The following FAM131A variants were observed in gnomAD, a reference collection of about 807,000 sequenced individuals.
FAM131A encodes the protein family with sequence similarity 131 member A, also known as protein FAM131A.
Under a neutral mutation model 39.2 loss-of-function variants are expected in FAM131A, and 24 were observed. The observed-to-expected ratio is 0.61, with a 90% CI of 0.44 to 0.86. The LOEUF is 0.86. Ranked by LOEUF, FAM131A falls within the 40% of genes least tolerant of loss-of-function variation. FAM131A has a pLI of 0.00. For missense variants in FAM131A, 373 were observed against 481.2 expected, an observed-to-expected ratio of 0.78 and a Z score of 2.10; for synonymous variants, 202 against 206.8, an observed-to-expected ratio of 0.98 and a Z score of 0.20.
chr3:184,337,467 C>A (rs2108540166), upstream of FAM131A: 1 of 649,798 alleles, frequency 1.5e-6, no homozygotes, highest in Non-Finnish European at 2.7e-6. Flanking sequence ...GGTGTTCCCA[C>A]CTCCTCAGAG....
chr3:184,337,517 G>A (rs977374017), upstream of FAM131A: 2 of 896,536 alleles, frequency 2.2e-6, no homozygotes, highest in Non-Finnish European at 3.5e-6. Flanking sequence ...ACTAGGCACA[G>A]GTTCCAAATG....
chr3:184,344,893 C>T lies in FAM131A; in HGVS notation c.1024C>T (p.Gln342Ter). 6.2e-7 allele frequency: 1 copy of T among 1,608,724 alleles called. No individual in the cohort carries two copies. The change falls in exon 6 of 6, where the codon CAG (glutamine) becomes TAG (stop). Residue 342 changes from glutamine to a stop codon, truncating the protein, a stop_gained. Transcript: ENST00000383847. LOFTEE classifies it high-confidence loss of function. ...CPPLTGSWERQRQASDLASSG... is the reference protein window; with the variant it reads ...CPPLTGSWER ...ACCACTAACGGGCAGCTGGGAACGG[C>T]AGCGGCAAGCCTCTGACCTGGCCTC... is the stretch of plus-strand genomic sequence containing the variant.
Position 184,342,048 on chromosome 3 carries a change from A to C in FAM131A, c.326-18A>C, listed in dbSNP as rs1577288861. 6.2e-7 allele frequency: 1 copy of C among 1,612,464 alleles called. No individual in the cohort carries two copies. Among genetic ancestry groups the C allele is most frequent in the African/African-American group, 1.3e-5 (1 of 74,276 alleles). Reference sequence around the variant, plus strand: ...GCCTGGTCCTTTACCAGGCTTCTCCACCCTCCCCTATCTCCAGGTATTTCC... The same window carrying C: ...GCCTGGTCCTTTACCAGGCTTCTCCCCCCTCCCCTATCTCCAGGTATTTCC... On this transcript the variant is annotated intron_variant, in intron 3 of 5. Coordinates refer to ENST00000383847, the MANE Select transcript of FAM131A (RefSeq NM_144635.5). This position sits in a 1 kb window ranked among gnomAD's most constrained non-coding sequence, Gnocchi z 4.6.
chr3:184,345,570 C>T lies in FAM131A; in HGVS notation c.*600C>T. 1 of 703,286 alleles carries T rather than the reference C, an allele frequency of 1.4e-6. No homozygotes were observed. The highest frequency in any genetic ancestry group is 2.6e-6 in the Non-Finnish European group (1 of 385,046). The allele number at this position is 703,286 out of a possible 1,614,324, so 43.6% of individuals were successfully genotyped here. On this transcript the variant is annotated 3_prime_UTR_variant, in exon 6 of 6. Transcript: ENST00000383847. ...AAATCTTCCTCTTTTTTCCTAAAGA[C>T]AGAAGGTTTTTGGTCTGTTTTTTCA...
chr3:184,344,048 C>T (rs968782972), intron 5 of FAM131A, among the ~76,000 whole-genome samples: 8 of 152,138 alleles, frequency 5.3e-5, no homozygotes, highest in African/African-American at 1.4e-4. Flanking sequence ...TGCAATGGCA[C>T]GATCTCGGCT....
At chr3:184,337,565 A>C, upstream of FAM131A, 1 of 1,462,506 alleles carries the variant, frequency 6.8e-7, no homozygotes, top group South Asian at 1.2e-5. Flanking sequence ...CCAAAACAGG[A>C]ATAGAACTGG....
chr3:184,341,430 C>T, intron 2 of FAM131A: 1 of 492,294 alleles, frequency 2.0e-6, no homozygotes, highest in Non-Finnish European at 3.7e-6. Flanking sequence ...AGAGGTCTCA[C>T]TCGTGGTTCT....
chr3:184,342,883 G>C lies in FAM131A; in HGVS notation c.625+23G>C, dbSNP rs1468746112. 4 of 1,593,202 alleles carry C rather than the reference G, an allele frequency of 2.5e-6. No individual in the cohort carries two copies. In the East Asian group the frequency reaches 9.0e-5, roughly 36 times the overall value. Reference sequence around the variant, plus strand: ...CAGGTGAGGGACATCCTGGGCTAGGGCTGTGGTGGACCCACCTGATAGACC... The same window carrying C: ...CAGGTGAGGGACATCCTGGGCTAGGCCTGTGGTGGACCCACCTGATAGACC... On this transcript the variant is annotated intron_variant, in intron 5 of 5. Transcript: ENST00000383847. This position sits in a 1 kb window ranked among gnomAD's most constrained non-coding sequence, Gnocchi z 4.6.
At chr3:184,339,223 G>A (rs1727262913) in intron 2 of FAM131A, 1 of 152,326 alleles carries the variant, frequency 6.6e-6, no homozygotes, top group Non-Finnish European at 1.5e-5. Context: ...GCTCCCTCGG[G>A]AGACAGACAA....
In FAM131A at chr3:184,341,826, CCCCT is replaced by C. The variant is rs1282460753; in HGVS notation, c.325+13_325+16del. ...CAGGTCCTCCCTGCATGGTATGCAG[CCCCT>C]CCCATGTTTCTGGCCACTTTGTCCT... is the stretch of plus-strand genomic sequence containing the variant. On this transcript the variant is annotated intron_variant, in intron 3 of 5. Transcript: ENST00000383847. 2 of 1,613,516 alleles carry C rather than the reference CCCCT, an allele frequency of 1.2e-6. No homozygotes were observed. The highest frequency in any genetic ancestry group is 2.2e-5 in the South Asian group (2 of 91,076).
At position 184,344,681 on chromosome 3, in the gene FAM131A, T is replaced by A; in HGVS notation, c.812T>A (p.Leu271Gln). Residue 271 changes from leucine to glutamine, a missense_variant, in exon 6 of 6, where the codon CTG becomes CAG. Physicochemically the swap from Leu to Gln is moderately radical, Grantham distance 113 (BLOSUM62 -2). Transcript: ENST00000383847. ...EDGLLGSPAR[L>Q]ASQLLGDELL... ...GGGTTGTTGGGCTCCCCGGCCCGGC[T>A]GGCCTCCCAGCTGCTGGGCGATGAG... is the stretch of plus-strand genomic sequence containing the variant. The A allele has an allele frequency of 6.2e-7, 1 of 1,612,618 alleles. No homozygotes were observed. The highest frequency in any genetic ancestry group is 8.5e-7 in the Non-Finnish European group (1 of 1,179,858).
chr3:184,342,336 C>G lies in FAM131A; in HGVS notation c.508+88C>G. 7.0e-7 allele frequency: 1 copy of G among 1,435,508 alleles called. No homozygotes were observed. 88.9% of individuals were successfully genotyped at this position (1,435,508 alleles called of 1,614,324 possible). ...ATTTAATTTTTTTTTGAGACGGAGT[C>G]TCACTCTGTCGCCCAGGCTGGAGTG... is the stretch of plus-strand genomic sequence containing the variant. On this transcript the variant is annotated intron_variant, in intron 4 of 5. Coordinates refer to ENST00000383847, the MANE Select transcript of FAM131A (RefSeq NM_144635.5). This position sits in a 1 kb window ranked among gnomAD's most constrained non-coding sequence, Gnocchi z 4.6.
intron 2 of FAM131A, chr3:184,341,302 G>A (rs536412290): frequency 3.7e-4 from 80 of 218,508 alleles, no homozygotes; most frequent in Non-Finnish European, 5.3e-4. Flanking sequence ...CCATCTTGCC[G>A]AGTCTGCCGG....
At chr3:184,337,465 C>T (rs1727170971), upstream of FAM131A, 1 of 645,046 alleles carries the variant, frequency 1.6e-6, no homozygotes, top group Non-Finnish European at 2.7e-6. Flanking sequence ...CTGGTGTTCC[C>T]ACCTCCTCAG....
Position 184,342,990 on chromosome 3 carries a change from C to G in FAM131A, c.625+130C>G. 1 of 732,542 alleles carries G rather than the reference C, an allele frequency of 1.4e-6. No individual in the cohort carries two copies. Among genetic ancestry groups the G allele is most frequent in the East Asian group, 2.5e-5 (1 of 40,016 alleles). The allele number at this position is 732,542 out of a possible 1,614,324, so 45.4% of individuals were successfully genotyped here. On this transcript the variant is annotated intron_variant, in intron 5 of 5. Transcript: ENST00000383847. This position sits in a 1 kb window ranked among gnomAD's most constrained non-coding sequence, Gnocchi z 4.6. ...GAGGGACAGACTCAGTCCAGGCAGG[C>G]CTGGACACTCCAGGGACAGGAAGGC...
rs1560242450 is a variant in FAM131A at position 184,341,771 on chromosome 3, CCTAA to C, written c.283_286del (p.Thr95SerfsTer19). ...CGATGCTGCCCAAGTCCCGGCGAGCCCTAACTATCCAGGAGATCGCTGCGCTGGC... is the reference window on the plus strand; with the variant it reads ...CGATGCTGCCCAAGTCCCGGCGAGCCCTATCCAGGAGATCGCTGCGCTGGC... On this transcript the variant is annotated frameshift_variant, in exon 3 of 6. Coordinates refer to ENST00000383847, the MANE Select transcript of FAM131A (RefSeq NM_144635.5). LOFTEE classifies it high-confidence loss of function. 1 of 1,613,484 alleles carries C rather than the reference CCTAA, an allele frequency of 6.2e-7. No homozygotes were observed. The highest frequency in any genetic ancestry group is 2.2e-5 in the East Asian group (1 of 44,884).
rs755437344 is a variant in FAM131A, at chr3:184,344,807, C to G, written c.938C>G (p.Ser313Cys). The change falls in exon 6 of 6, where the codon TCC becomes TGC. Residue 313 changes from serine to cysteine, a missense_variant. This residue lies in a region of FAM131A where 152 missense variants were observed against 133.5 expected (regional missense o/e 1.14). Coordinates refer to ENST00000383847, the MANE Select transcript of FAM131A (RefSeq NM_144635.5). ...CTCTACAACTCGCCCCTCACAGAGT[C>G]CTGCCTTTCCCCCGCGGAGGAGGAG... ...DSLYNSPLTESCLSPAEEEPA... is the reference protein window; with the variant it reads ...DSLYNSPLTECCLSPAEEEPA... 6.2e-6 allele frequency: 10 copies of G among 1,612,210 alleles called. No individual in the cohort carries two copies. Among genetic ancestry groups the G allele is most frequent in the Non-Finnish European group, 6.8e-6 (8 of 1,179,922 alleles).
Position 184,345,679 on chromosome 3 carries a change from G to A in FAM131A, c.*709G>A. 3.1e-6 allele frequency: 2 copies of A among 654,214 alleles called. No individual in the cohort carries two copies. The highest frequency in any genetic ancestry group is 5.5e-6 in the Non-Finnish European group (2 of 366,098). The allele number at this position is 654,214 out of a possible 1,614,324, so 40.5% of individuals were successfully genotyped here. A position where few individuals can be genotyped will look rare whatever the true frequency, so the allele number is the denominator to read the frequency against. ...TTTTCCTGGCCCCCTAATGGGGCCT[G>A]GGCCCTTTCCCAACCCCTCCTAGGA... On this transcript the variant is annotated 3_prime_UTR_variant, in exon 6 of 6. Coordinates refer to ENST00000383847, the MANE Select transcript of FAM131A (RefSeq NM_144635.5).
intron 2 of FAM131A, chr3:184,340,314 A>ATTTTTTTTTT (rs3064292): frequency 1.3e-5 from 1 of 75,836 alleles, no homozygotes; most frequent in Non-Finnish European, 2.4e-5. Context: ...CAGCCTATGC[A>ATTTTTTTTTT]TTTTTTTTTT....
Sources: allele counts gnomAD v4.1 joint callset (sites outside exome capture counted in the v4.1 genomes callset), GRCh38; gene constraint gnomAD v4.1.1; regional missense constraint gnomAD v4.1.1; non-coding constraint Gnocchi (gnomAD v3.1); transcripts MANE v1.5; gene names NCBI Gene and HGNC (gene_info 2026-07-23, HGNC 2026-07-21).